The following VWC2L variants were observed in gnomAD, a reference collection of about 807,000 sequenced individuals.
VWC2L encodes von Willebrand factor C domain-containing protein 2-like.
Under a neutral mutation model 21.6 loss-of-function variants are expected in VWC2L, and 10 were observed. The ratio of observed to expected loss-of-function variants is 0.46; its 90% confidence interval spans 0.29 to 0.78. VWC2L has a LOEUF of 0.78. VWC2L is among the 30% of genes least tolerant of loss of function. The pLI is 0.10. For synonymous variants in VWC2L, 96 were observed against 94.3 expected (o/e 1.02, Z -0.10); for missense variants, 209 against 277.1 (o/e 0.75, Z 1.74).
At chr2:214,449,841 G>A (rs1203333918) in intron 3 of VWC2L, among the ~76,000 whole-genome samples, 1 of 152,138 alleles carries the variant, frequency 6.6e-6, no homozygotes, top group Non-Finnish European at 1.5e-5. Flanking sequence ...TGTTTGTCAG[G>A]GTGGATAACT....
chr2:214,506,133 A>G (rs10174352), intron 3 of VWC2L, among the ~76,000 whole-genome samples: 137,998 of 152,232 alleles, frequency 0.91, 63,976 homozygotes, highest in Non-Finnish European at 1. Flanking sequence ...TTCTATCTTT[A>G]GTCTTTCAAA....
intron 3 of VWC2L, among the ~76,000 whole-genome samples, chr2:214,437,763 T>C (rs184939455): frequency 1.3e-4 from 20 of 152,258 alleles, no homozygotes; most frequent in Non-Finnish European, 2.9e-4. Context: ...AAAGATATCT[T>C]TTACCTTTTA....
At chr2:214,476,270 AT>A (rs1394980156) in intron 3 of VWC2L, among the ~76,000 whole-genome samples, 1 of 152,248 alleles carries the variant, frequency 6.6e-6, no homozygotes, top group African/African-American at 2.4e-5. Flanking sequence ...CAATATTTCA[AT>A]GATATATATT....
chr2:214,438,721 G>T (rs1702718320), intron 3 of VWC2L, among the ~76,000 whole-genome samples: 1 of 151,998 alleles, frequency 6.6e-6, no homozygotes, highest in Non-Finnish European at 1.5e-5. Context: ...TGTCGCCCAA[G>T]ATTATCCTAT....
chr2:214,519,801 C>A (rs979119858), intron 3 of VWC2L, among the ~76,000 whole-genome samples: 4 of 152,130 alleles, frequency 2.6e-5, no homozygotes, highest in Non-Finnish European at 5.9e-5. Context: ...CAAACTGACT[C>A]CCCCTAGGTT....
Position 214,510,914 on chromosome 2 carries a change from A to C in VWC2L, c.521-64758A>C, listed in dbSNP as rs546715053. Among the ~76,000 whole-genome samples the C allele has an allele frequency of 5.9e-5, 9 of 152,324 alleles. No homozygotes were observed. In the South Asian group the frequency reaches 1.9e-3, roughly 32 times the overall value. ...TGGCAAAGGGTACTTTACAAATGTA[A>C]TTAAGTTTTTGACCTTGAGATAGGA... On this transcript the variant is annotated intron_variant, in intron 3 of 3. Coordinates refer to ENST00000312504, the MANE Select transcript of VWC2L (RefSeq NM_001080500.4).
chr2:214,438,539 T>C (rs1426368503), intron 3 of VWC2L, among the ~76,000 whole-genome samples: 2 of 152,048 alleles, frequency 1.3e-5, no homozygotes, highest in Non-Finnish European at 2.9e-5. Flanking sequence ...TCTAGACACA[T>C]CCAGCATATT....
chr2:214,508,346 C>T (rs917708783), intron 3 of VWC2L, among the ~76,000 whole-genome samples: 1 of 152,122 alleles, frequency 6.6e-6, no homozygotes, highest in South Asian at 2.1e-4. Flanking sequence ...TCTCTGGATT[C>T]GCCATTTGGT....
intron 3 of VWC2L, among the ~76,000 whole-genome samples, chr2:214,543,071 C>G (rs1019734829): frequency 6.6e-6 from 1 of 152,158 alleles, no homozygotes; most frequent in African/African-American, 2.4e-5. Flanking sequence ...TACATATTTT[C>G]TCTGGCAGAT....
chr2:214,561,486 A>G (rs1482666630), intron 3 of VWC2L, among the ~76,000 whole-genome samples: 1 of 152,132 alleles, frequency 6.6e-6, no homozygotes, highest in African/African-American at 2.4e-5. Context: ...AATTTTAAGA[A>G]CACATTTGGC....
chr2:214,527,900 A>C (rs1362536436), intron 3 of VWC2L, among the ~76,000 whole-genome samples: 1 of 152,214 alleles, frequency 6.6e-6, no homozygotes, highest in African/African-American at 2.4e-5. Flanking sequence ...ACTTATTGTT[A>C]CTGCCCTATA....
intron 3 of VWC2L, among the ~76,000 whole-genome samples, chr2:214,478,071 C>A (rs4233995): frequency 7.6e-4 from 116 of 152,208 alleles, no homozygotes; most frequent in African/African-American, 2.5e-3. Context: ...ATGTCTCATC[C>A]AAGGTATTAA....
At chr2:214,433,803 C>T (rs558535867) in intron 2 of VWC2L, among the ~76,000 whole-genome samples, 45 of 152,070 alleles carry the variant, frequency 3.0e-4, no homozygotes, top group Middle Eastern at 3.4e-3. Context: ...ACAATAGTGC[C>T]GGAATTGTAA....
chr2:214,424,986 A>G (rs1702500451), intron 2 of VWC2L, among the ~76,000 whole-genome samples: 2 of 152,236 alleles, frequency 1.3e-5, no homozygotes, highest in Non-Finnish European at 2.9e-5. Flanking sequence ...TCAACACACT[A>G]TGCTCCATGA....
intron 2 of VWC2L, chr2:214,436,274 G>C (rs926834181): frequency 2.7e-5 from 5 of 183,230 alleles, no homozygotes; most frequent in Non-Finnish European, 5.8e-5. Flanking sequence ...ACACGTTCCA[G>C]TAGAATGCCT....
chr2:214,489,537 A>T (rs1456356495), intron 3 of VWC2L, among the ~76,000 whole-genome samples: 1 of 152,214 alleles, frequency 6.6e-6, no homozygotes, highest in Non-Finnish European at 1.5e-5. Context: ...ATGGTAACCA[A>T]TGGAAATCAT....
At chr2:214,423,645 T>C (rs1702475872) in intron 2 of VWC2L, among the ~76,000 whole-genome samples, 1 of 152,090 alleles carries the variant, frequency 6.6e-6, no homozygotes. Flanking sequence ...ACATCAAAAA[T>C]CAGTCTTTGA....
At chr2:214,428,553 T>G (rs1005793701) in intron 2 of VWC2L, among the ~76,000 whole-genome samples, 2 of 152,134 alleles carry the variant, frequency 1.3e-5, no homozygotes, top group Non-Finnish European at 2.9e-5. Context: ...TGTTTTCATG[T>G]TACTGCCCAT....
At chr2:214,420,298 G>A (rs557884126) in intron 2 of VWC2L, among the ~76,000 whole-genome samples, 1 of 152,230 alleles carries the variant, frequency 6.6e-6, no homozygotes, top group African/African-American at 2.4e-5. Context: ...GTTTGGGAGA[G>A]TCATTTGACG....
Sources: gnomAD v4.1 joint callset for allele counts (sites outside exome capture counted in the v4.1 genomes callset) on GRCh38, gnomAD v4.1.1 for gene constraint, MANE v1.5 for transcripts, NCBI Gene and HGNC (gene_info 2026-07-23, HGNC 2026-07-21) for gene names.